RNF19B: variants seen among roughly 807,000 people sequenced by gnomAD.
RNF19B encodes ring finger protein 19B.
In RNF19B, 23 loss-of-function variants were observed where a neutral mutation model predicts 65.5. The observed-to-expected ratio is 0.35, with a 90% CI of 0.25 to 0.50. The LOEUF (loss-of-function observed/expected upper bound fraction) is 0.50. Ranked by LOEUF, RNF19B falls within the 20% of genes least tolerant of loss-of-function variation. RNF19B has a pLI of 0.98. For missense variants in RNF19B, 794 were observed against 980.0 expected (o/e 0.81, Z 2.53); for synonymous variants, 372 against 379.6 (o/e 0.98, Z 0.23).
chr1:32,954,547 T>TGGC (rs1281870778), intron 1 of RNF19B, among the ~76,000 whole-genome samples: 1 of 151,700 alleles, frequency 6.6e-6, no homozygotes, highest in African/African-American at 2.4e-5. Flanking sequence ...AAGACCAGCC[T>TGGC]GGCCAACATG....
chr1:32,938,234 C>A, intron 8 of RNF19B, 163 bp downstream of exon 8: 3 of 569,350 alleles, frequency 5.3e-6, no homozygotes, highest in South Asian at 5.5e-5. Context: ...TCAAGAGATG[C>A]CAAACACTCA....
downstream of RNF19B, among the ~76,000 whole-genome samples, chr1:32,935,961 T>A (rs754792877): frequency 5.8e-4 from 88 of 151,842 alleles, no homozygotes; most frequent in Non-Finnish European, 2.4e-4. Context: ...GTTGGCCAGG[T>A]GGGTCTCAAA....
At chr1:32,940,742 T>C (rs1400836645) in intron 7 of RNF19B, among the ~76,000 whole-genome samples, 2 of 152,210 alleles carry the variant, frequency 1.3e-5, no homozygotes, top group African/African-American at 4.8e-5. Flanking sequence ...CTCCGTTGCA[T>C]TCAACTGCTT....
chr1:32,945,283 A>G lies in RNF19B; in HGVS notation c.1261+231T>C, dbSNP rs541488181. Among the ~76,000 whole-genome samples the G allele has an allele frequency of 1.5e-4, 23 of 152,354 alleles. No homozygotes were observed. The East Asian group carries it at 1.9e-3, about 13-fold the overall frequency. On this transcript the variant is annotated intron_variant, in intron 5 of 8. Coordinates refer to ENST00000235150, the MANE Select transcript of RNF19B (RefSeq NM_001300826.2). Reference sequence around the variant, plus strand: ...AAGTTTCTGTAATTCAACCTTTTCTATGTGCCAAATGGAGTTCTAGGCACT... The same window carrying G: ...AAGTTTCTGTAATTCAACCTTTTCTGTGTGCCAAATGGAGTTCTAGGCACT...
chr1:32,952,340 T>A (rs1039780641), intron 1 of RNF19B, among the ~76,000 whole-genome samples: 2 of 149,386 alleles, frequency 1.3e-5, no homozygotes, highest in African/African-American at 2.5e-5. Flanking sequence ...ATGCCTGTAA[T>A]CTCAGCACTT....
downstream of RNF19B, among the ~76,000 whole-genome samples, chr1:32,933,731 TTTC>T (rs1642057212): frequency 2.0e-5 from 3 of 152,142 alleles, no homozygotes; most frequent in Admixed American, 6.5e-5. Context: ...CTTTAACTCA[TTTC>T]TTCTTCTTCC....
intron 4 of RNF19B, 52 bp from the exon 5 acceptor site, chr1:32,945,680 TG>T (rs775225481): frequency 1.7e-5 from 19 of 1,088,762 alleles, no homozygotes; most frequent in Admixed American, 1.4e-4. Context: ...ATCAATCTTT[TG>T]CCAGAGAAAA....
At chr1:32,952,325 G>T (rs1367718951) in intron 1 of RNF19B, among the ~76,000 whole-genome samples, 1 of 151,134 alleles carries the variant, frequency 6.6e-6, no homozygotes, top group African/African-American at 2.4e-5. Context: ...CAGGTGAGAT[G>T]GCTCATGCCT....
At chr1:32,963,537 G>T (rs918542023) in intron 1 of RNF19B, among the ~76,000 whole-genome samples, 4 of 151,954 alleles carry the variant, frequency 2.6e-5, no homozygotes, top group African/African-American at 9.7e-5. Flanking sequence ...CCAACATGGT[G>T]AAACCCCATC....
chr1:32,964,070 A>G lies in RNF19B; in HGVS notation c.616T>C (p.Cys206Arg). 1 of 1,518,166 alleles carries G rather than the reference A, an allele frequency of 6.6e-7. No individual in the cohort carries two copies. The highest frequency in any genetic ancestry group is 8.8e-7 in the Non-Finnish European group (1 of 1,133,414). The allele number at this position is 1,518,166 out of a possible 1,614,324, so 94.0% of individuals were successfully genotyped here. Residue 206 changes from cysteine to arginine, a missense_variant, in exon 1 of 9, where the codon TGC becomes CGC. Physicochemically the swap from Cys to Arg is radical, Grantham distance 180. Around this residue, in one of 3 missense-constraint regions of RNF19B, gnomAD observed 374 missense variants for 423.8 expected, o/e 0.88. Coordinates refer to ENST00000235150, the MANE Select transcript of RNF19B (RefSeq NM_001300826.2). The surrounding 1 kb of genome is among the most constrained non-coding windows in gnomAD (Gnocchi z 6.5). Reference sequence around the variant, plus strand: ...GCTCACCCGCAGTCCGGGGCCGGGCACCAGCGGCAGTCGGGGTCCGAGGCT... The same window carrying G: ...GCTCACCCGCAGTCCGGGGCCGGGCGCCAGCGGCAGTCGGGGTCCGAGGCT... The part of the protein sequence containing the change: ...YLASDPDCRW[C>R]PAPDCGYAVI...
chr1:32,936,756 A>T lies in RNF19B; in HGVS notation c.*50T>A, dbSNP rs747270919. The stretch of plus-strand genomic sequence containing the variant: ...TGGAAAAAAAAAAAAAAAAATTCCA[A>T]AAGATGCAGTTACAAGTGTGCTTCT... On this transcript the variant is annotated 3_prime_UTR_variant, in exon 9 of 9. Coordinates refer to ENST00000235150, the MANE Select transcript of RNF19B (RefSeq NM_001300826.2). The T allele has an allele frequency of 3.8e-5, 55 of 1,430,744 alleles. No homozygotes were observed. Among genetic ancestry groups the T allele is most frequent in the Non-Finnish European group, 5.0e-5 (54 of 1,084,472 alleles). 88.6% of individuals were successfully genotyped at this position (1,430,744 alleles called of 1,614,324 possible). A position where few individuals can be genotyped will look rare whatever the true frequency, so the allele number is the denominator to read the frequency against.
chr1:32,935,762 C>CT (rs60210761), downstream of RNF19B, among the ~76,000 whole-genome samples: 10,320 of 149,398 alleles, frequency 0.069, 564 homozygotes, highest in Admixed American at 0.15. Context: ...ACTGAGAACT[C>CT]TTTTTTTTTT....
At chr1:32,955,089 GTAAC>G (rs577669502) in intron 1 of RNF19B, among the ~76,000 whole-genome samples, 36 of 152,062 alleles carry the variant, frequency 2.4e-4, no homozygotes, top group African/African-American at 5.1e-4. Flanking sequence ...ACATTATAAT[GTAAC>G]TAACTGTTTA....
At chr1:32,930,036 T>C in the RNF19B span, among the ~76,000 whole-genome samples, 1 of 152,226 alleles carries the variant, frequency 6.6e-6, no homozygotes, top group Non-Finnish European at 1.5e-5. Flanking sequence ...CTCTTGGCAA[T>C]TTTGAAGGGC....
At chr1:32,943,451 T>C (rs1165296480) in intron 6 of RNF19B, among the ~76,000 whole-genome samples, 1 of 150,806 alleles carries the variant, frequency 6.6e-6, no homozygotes, top group Non-Finnish European at 1.5e-5. Context: ...ACCCCGTCTA[T>C]ACTAAAAAAA....
the RNF19B span, among the ~76,000 whole-genome samples, chr1:32,931,011 C>T: frequency 1.3e-4 from 19 of 151,842 alleles, no homozygotes; most frequent in African/African-American, 4.6e-4. Flanking sequence ...TTGCTTGAAC[C>T]TGGGAAGCAG....
chr1:32,946,216 G>A (rs1483611369), intron 4 of RNF19B, among the ~76,000 whole-genome samples, 186 bp downstream of exon 4: 1 of 152,138 alleles, frequency 6.6e-6, no homozygotes, highest in Non-Finnish European at 1.5e-5. Context: ...GGCCCAGGAT[G>A]TTAATAAGAA....
intron 3 of RNF19B, 151 bp from the exon 4 acceptor site, chr1:32,946,715 A>C (rs1642374394): frequency 3.0e-6 from 2 of 674,448 alleles, no homozygotes; most frequent in Non-Finnish European, 4.7e-6. Context: ...AGAGCAAAGG[A>C]CAAGGCCAGA....
At chr1:32,959,663 AT>A (rs1199696650) in intron 1 of RNF19B, among the ~76,000 whole-genome samples, 1 of 152,168 alleles carries the variant, frequency 6.6e-6, no homozygotes, top group African/African-American at 2.4e-5. Context: ...AAAATCAGTT[AT>A]TTGTATTTTG....
Sources: gnomAD v4.1 joint callset for allele counts (sites outside exome capture counted in the v4.1 genomes callset) on GRCh38, gnomAD v4.1.1 for gene constraint, gnomAD v4.1.1 regional missense constraint, Gnocchi (gnomAD v3.1) non-coding constraint, MANE v1.5 for transcripts, NCBI Gene and HGNC (gene_info 2026-07-23, HGNC 2026-07-21) for gene names.